Variants in LHFPL6 observed in about 807,000 individuals in gnomAD.
LHFPL6 encodes the protein LHFPL tetraspan subfamily member 6, also known as LHFPL tetraspan subfamily member 6 protein.
LHFPL6 carries 9 observed loss-of-function variants against 20.6 expected under a neutral mutation model. The observed-to-expected ratio is 0.44, with a 90% CI of 0.26 to 0.76. The LOEUF is 0.76. Among genes scored for constraint, LHFPL6 ranks in the 30% least tolerant of loss-of-function variants. The pLI, the probability that LHFPL6 is intolerant of heterozygous loss-of-function variation, is 0.20. For missense variants in LHFPL6, 218 were observed against 253.5 expected (o/e 0.86, Z 0.95); for synonymous variants, 105 against 98.7 (o/e 1.06, Z -0.38).
At chr13:39,345,537 A>AAAAAAAAAAAAAAAAAAAAAAAAG (rs1593279014) in intron 3 of LHFPL6, among the ~76,000 whole-genome samples, 1 of 146,504 alleles carries the variant, frequency 6.8e-6, no homozygotes, top group South Asian at 2.1e-4. Context: ...AAAAAAAAAA[A>AAAAAAAAAAAAAAAAAAAAAAAAG]AAAGAAAGAA....
chr13:39,499,017 C>G (rs191597638), intron 2 of LHFPL6, among the ~76,000 whole-genome samples: 4 of 152,148 alleles, frequency 2.6e-5, no homozygotes, highest in Non-Finnish European at 5.9e-5. Context: ...CGCACCACCA[C>G]GTCCGGCTAA....
At chr13:39,421,738 A>C (rs755959571) in intron 2 of LHFPL6, among the ~76,000 whole-genome samples, 8 of 118,544 alleles carry the variant, frequency 6.7e-5, no homozygotes, top group Non-Finnish European at 1.2e-4. Flanking sequence ...GCAGTCCAAT[A>C]AAAGGATATT....
intron 2 of LHFPL6, among the ~76,000 whole-genome samples, chr13:39,474,717 G>T (rs1301665281): frequency 6.6e-6 from 1 of 151,890 alleles, no homozygotes; most frequent in Non-Finnish European, 1.5e-5. Context: ...GATAAGTACT[G>T]GACAAGTGGA....
At chr13:39,466,312 G>C (rs965824478) in intron 2 of LHFPL6, among the ~76,000 whole-genome samples, 13 of 152,194 alleles carry the variant, frequency 8.5e-5, no homozygotes, top group Non-Finnish European at 1.5e-5. Context: ...GCCAAGAGGG[G>C]AAGAGGAATA....
intron 2 of LHFPL6, among the ~76,000 whole-genome samples, chr13:39,466,742 T>C (rs1389714565): frequency 1.3e-5 from 2 of 152,240 alleles, no homozygotes; most frequent in South Asian, 2.1e-4. Flanking sequence ...GATATATTAA[T>C]ATAGAAGACT....
At chr13:39,490,560 G>C (rs941270810) in intron 2 of LHFPL6, among the ~76,000 whole-genome samples, 2 of 152,152 alleles carry the variant, frequency 1.3e-5, no homozygotes, top group Non-Finnish European at 2.9e-5. Context: ...TTAGGAAAAA[G>C]ACAGGGCTAC....
intron 2 of LHFPL6, among the ~76,000 whole-genome samples, chr13:39,514,998 C>T (rs1869856229): frequency 6.6e-6 from 1 of 152,200 alleles, no homozygotes; most frequent in Non-Finnish European, 1.5e-5. Flanking sequence ...ATAAATAACT[C>T]CCAAATCAGC....
intron 2 of LHFPL6, among the ~76,000 whole-genome samples, chr13:39,427,977 C>T (rs112937901): frequency 0.027 from 4,127 of 152,328 alleles, 158 homozygotes; most frequent in African/African-American, 0.088. Context: ...GCTGGCTCCC[C>T]GCTTCACCTT....
intron 3 of LHFPL6, among the ~76,000 whole-genome samples, chr13:39,353,909 C>T (rs1444136167): frequency 1.3e-5 from 2 of 152,110 alleles, no homozygotes; most frequent in South Asian, 2.1e-4. Flanking sequence ...AATACCGCTC[C>T]CTGCACAGTA....
chr13:39,422,290 T>G (rs1246503239), intron 2 of LHFPL6, among the ~76,000 whole-genome samples: 1 of 152,094 alleles, frequency 6.6e-6, no homozygotes, highest in East Asian at 1.9e-4. Flanking sequence ...ATTATGCTGG[T>G]GCAGTTAACG....
At chr13:39,447,766 C>T (rs1872330923) in intron 2 of LHFPL6, among the ~76,000 whole-genome samples, 3 of 152,130 alleles carry the variant, frequency 2.0e-5, no homozygotes, top group African/African-American at 4.8e-5. Flanking sequence ...GAGATCCATC[C>T]CCGACCTAGT....
At chr13:39,595,582 C>T (rs571160707) in intron 2 of LHFPL6, among the ~76,000 whole-genome samples, 7 of 152,160 alleles carry the variant, frequency 4.6e-5, no homozygotes, top group Middle Eastern at 3.2e-3. Flanking sequence ...TGTGAGCCAC[C>T]GCGCCCAGCA....
chr13:39,430,356 G>T (rs73460944), intron 2 of LHFPL6, among the ~76,000 whole-genome samples: 1 of 152,148 alleles, frequency 6.6e-6, no homozygotes, highest in Non-Finnish European at 1.5e-5. Flanking sequence ...GGTTTTTCCA[G>T]CTCTAGAGCT....
chr13:39,412,313 A>G (rs1010418362), intron 2 of LHFPL6, among the ~76,000 whole-genome samples: 1 of 152,226 alleles, frequency 6.6e-6, no homozygotes, highest in Non-Finnish European at 1.5e-5. Flanking sequence ...AAAAAATTGT[A>G]TTGGGGAATT....
chr13:39,528,323 GA>G (rs1300993692), intron 2 of LHFPL6, among the ~76,000 whole-genome samples: 2 of 151,484 alleles, frequency 1.3e-5, no homozygotes, highest in Non-Finnish European at 2.9e-5. Flanking sequence ...CCCTCTGACT[GA>G]AAAAAAACTA....
chr13:39,459,890 A>G (rs1424248109), intron 2 of LHFPL6, among the ~76,000 whole-genome samples: 1 of 152,202 alleles, frequency 6.6e-6, no homozygotes, highest in African/African-American at 2.4e-5. Flanking sequence ...AGAAATCACT[A>G]AAAATAGGTT....
At chr13:39,576,848 G>A (rs576849133) in intron 2 of LHFPL6, among the ~76,000 whole-genome samples, 19 of 152,050 alleles carry the variant, frequency 1.2e-4, no homozygotes, top group African/African-American at 4.6e-4. Flanking sequence ...ACGTTGCTTG[G>A]GCTCTTAATA....
At chr13:39,367,850 A>G (rs1276493193) in intron 3 of LHFPL6, among the ~76,000 whole-genome samples, 3 of 152,224 alleles carry the variant, frequency 2.0e-5, no homozygotes, top group African/African-American at 7.2e-5. Context: ...TGAAGATCAA[A>G]GGTTACCATA....
chr13:39,447,093 A>C (rs1872311096), intron 2 of LHFPL6, among the ~76,000 whole-genome samples: 1 of 152,206 alleles, frequency 6.6e-6, no homozygotes, highest in South Asian at 2.1e-4. Flanking sequence ...CACAGAGTTA[A>C]ATATGTACTG....
Sources: allele counts gnomAD v4.1 joint callset (sites outside exome capture counted in the v4.1 genomes callset), GRCh38; gene constraint gnomAD v4.1.1; transcripts MANE v1.5; gene names NCBI Gene and HGNC (gene_info 2026-07-23, HGNC 2026-07-21).